Variants in POM121L2 observed in about 807,000 individuals in gnomAD.
POM121L2 encodes the protein POM121 transmembrane nucleoporin like 2.
For synonymous variants in POM121L2, 459 were observed against 483.8 expected, an observed-to-expected ratio of 0.95 and a Z score of 0.67; for missense variants, 1,167 against 1,260.3, an observed-to-expected ratio of 0.93 and a Z score of 1.12.
Position 27,310,845 on chromosome 6 carries a change from G to T in POM121L2, c.1326C>A (p.Thr442=). The T allele has an allele frequency of 1.3e-6, 2 of 1,551,730 alleles. No homozygotes were observed. The highest frequency in any genetic ancestry group is 1.7e-6 in the Non-Finnish European group (2 of 1,146,984). ...GCTCTGACTGTGAGCACCCAGGTGGGGTCGGTAGGCTGGGTGTCTTCAAAG... is the reference window on the plus strand; with the variant it reads ...GCTCTGACTGTGAGCACCCAGGTGGTGTCGGTAGGCTGGGTGTCTTCAAAG... ...HSPLKTPSLP[T]PPGCSQSELL... Residue 442 remains threonine (T), a synonymous_variant, in exon 1 of 1, where the codon ACC becomes ACA. Coordinates refer to ENST00000444565, the MANE Select transcript of POM121L2 (RefSeq NM_033482.4).
Position 27,310,780 on chromosome 6 carries a change from G to A in POM121L2, c.1391C>T (p.Thr464Ile). ...GTSPDSKPTA[T>I]FILLTPTSPT... ...AGAGGTGGGGGTCAGCAGGATGAAA[G>A]TAGCTGTGGGCTTTGAGTCTGGAGA... Residue 464 changes from threonine (T) to isoleucine (I), a missense_variant, in exon 1 of 1, where the codon ACT becomes ATT. Physicochemically the swap from Thr to Ile is moderately conservative, Grantham distance 89. Transcript: ENST00000444565. 6.4e-7 allele frequency: 1 copy of A among 1,551,864 alleles called. No homozygotes were observed. The highest frequency in any genetic ancestry group is 8.7e-7 in the Non-Finnish European group (1 of 1,147,020).
Position 27,309,656 on chromosome 6 carries a change from G to A in POM121L2, c.216+1441C>T, listed in dbSNP as rs760789295. 4 of 1,551,596 alleles carry A rather than the reference G, an allele frequency of 2.6e-6. No individual in the cohort carries two copies. The East Asian group carries it at 7.3e-5, about 28-fold the overall frequency. On this transcript the variant is annotated intron_variant, in intron 1 of 1. Transcript: ENST00000429945. ...CCTGACCAGGTGCTGGCAGGGGTTTGAGAGGTGGAGGCTGAGGGTGTCAAA... is the reference window on the plus strand; with the variant it reads ...CCTGACCAGGTGCTGGCAGGGGTTTAAGAGGTGGAGGCTGAGGGTGTCAAA...
In POM121L2 at chr6:27,312,212, T is replaced by G; in HGVS notation, c.-42A>C. On this transcript the variant is annotated 5_prime_UTR_variant, in exon 1 of 1. Coordinates refer to ENST00000444565, the MANE Select transcript of POM121L2 (RefSeq NM_033482.4). The surrounding 1 kb of genome is among the most constrained non-coding windows in gnomAD (Gnocchi z 6.7). ...CGGGCAGTGAGTTCAAGCACGGTTT[T>G]GGCTTCCGAGGTTTCGGACGTCTGC... The G allele has an allele frequency of 7.7e-7, 1 of 1,293,256 alleles. No homozygotes were observed. The highest frequency in any genetic ancestry group is 1.0e-6 in the Non-Finnish European group (1 of 971,390). 80.1% of individuals were successfully genotyped at this position (1,293,256 alleles called of 1,614,324 possible).
At position 27,311,905 on chromosome 6, in the gene POM121L2, A is replaced by G. The variant is rs1392736419; in HGVS notation, c.266T>C (p.Leu89Pro). 6 of 1,551,566 alleles carry G rather than the reference A, an allele frequency of 3.9e-6. No homozygotes were observed. The East Asian group carries it at 9.8e-5, about 25-fold the overall frequency. The change falls in exon 1 of 1, where the codon CTG becomes CCG. Residue 89 changes from leucine to proline, a missense_variant. Coordinates refer to ENST00000444565, the MANE Select transcript of POM121L2 (RefSeq NM_033482.4). The stretch of plus-strand genomic sequence containing the variant: ...CCACCAGTCTGAAGGGAGAGGCCCC[A>G]GGGGGGAATTCTGGGACTTCTTCAT... ...FPMKKSQNSPLGPLPSDWWES... is the reference protein window; with the variant it reads ...FPMKKSQNSPPGPLPSDWWES...
chr6:27,309,472 C>A lies in POM121L2; in HGVS notation c.2699G>T (p.Cys900Phe). 1 of 1,551,814 alleles carries A rather than the reference C, an allele frequency of 6.4e-7. No individual in the cohort carries two copies. The highest frequency in any genetic ancestry group is 8.7e-7 in the Non-Finnish European group (1 of 1,146,998). The change falls in exon 1 of 1, where the codon TGT becomes TTT. Residue 900 changes from cysteine (C) to phenylalanine (F), a missense_variant. Cys to Phe is a radical substitution (Grantham distance 205, BLOSUM62 -2). Transcript: ENST00000444565. ...AGTCATTATGATCCCAGACTCATCACAGTCCATAGGGGTCACGAATCCCCC... is the reference window on the plus strand; with the variant it reads ...AGTCATTATGATCCCAGACTCATCAAAGTCCATAGGGGTCACGAATCCCCC... ...TFGGFVTPMDCDESGIIMTGP... is the reference protein window; with the variant it reads ...TFGGFVTPMDFDESGIIMTGP...
chr6:27,312,271 GT>G lies in POM121L2; in HGVS notation c.-102del, dbSNP rs143127910. ...ACAGAGTCGAAGAGCGCAGTGTTCG[GT>G]TGACGGTTGGGATTCACGCGCTAGG... On this transcript the variant is annotated 5_prime_UTR_variant, in exon 1 of 1. Transcript: ENST00000444565. The surrounding 1 kb of genome is among the most constrained non-coding windows in gnomAD (Gnocchi z 6.7). 4,430 of 751,936 alleles carry G rather than the reference GT, an allele frequency of 5.9e-3. 34 individuals carry two copies. Among genetic ancestry groups the G allele is most frequent in the Non-Finnish European group, 6.0e-3 (2,998 of 497,054 alleles). The allele number at this position is 751,936 out of a possible 1,614,324, so 46.6% of individuals were successfully genotyped here. A position where few individuals can be genotyped will look rare whatever the true frequency, so the allele number is the denominator to read the frequency against.
rs770253642 is a variant in POM121L2 at position 27,311,299 on chromosome 6, CT to C, written c.13del (p.Ser5ValfsTer18). The C allele has an allele frequency of 1.2e-4, 186 of 1,551,534 alleles. No homozygotes were observed. Among genetic ancestry groups the C allele is most frequent in the Non-Finnish European group, 1.5e-4 (177 of 1,147,016 alleles). Reference sequence around the variant, plus strand: ...GACTGGAGAGGAAGGCCGATGACAACTTTTTTCCTTTTTTATTGGCCACTCT... The same window carrying C: ...GACTGGAGAGGAAGGCCGATGACAACTTTTTCCTTTTTTATTGGCCACTCT... On this transcript the variant is annotated frameshift_variant, in exon 1 of 2. Coordinates refer to the POM121L2 transcript ENST00000429945. LOFTEE classifies it high-confidence loss of function.
rs1170101865 is a variant in POM121L2, at chr6:27,311,532, C to T, written c.639G>A (p.Gly213=). 10 of 1,551,746 alleles carry T rather than the reference C, an allele frequency of 6.4e-6. No homozygotes were observed. In the East Asian group the frequency reaches 2.4e-4, roughly 38 times the overall value. Residue 213 remains glycine (G), a synonymous_variant, in exon 1 of 1, where the codon GGG becomes GGA. Coordinates refer to ENST00000444565, the MANE Select transcript of POM121L2 (RefSeq NM_033482.4). ...AGGAGTGGAGACTTCTCTTCAGCGG[C>T]CCAGGCCTGGGCACAAAAGAAGTGA... The part of the protein sequence containing the change: ...GTLTSFVPRP[G]PLKRSLHSWG...
chr6:27,310,003 C>T lies in POM121L2; in HGVS notation c.2168G>A (p.Gly723Asp), dbSNP rs764559413. ...SPRSSTANFR[G>D]MGSPLPASAL... ...AGAGGCAGGCAGAGGGCTGCCCATACCCCTGAAATTAGCAGTGCTGCTTCT... is the reference window on the plus strand; with the variant it reads ...AGAGGCAGGCAGAGGGCTGCCCATATCCCTGAAATTAGCAGTGCTGCTTCT... The change falls in exon 1 of 1, where the codon GGT becomes GAT. Residue 723 changes from glycine to aspartate, a missense_variant. Physicochemically the swap from Gly to Asp is moderately conservative, Grantham distance 94 (BLOSUM62 -1). Coordinates refer to ENST00000444565, the MANE Select transcript of POM121L2 (RefSeq NM_033482.4). 3 of 1,551,906 alleles carry T rather than the reference C, an allele frequency of 1.9e-6. No individual in the cohort carries two copies. The highest frequency in any genetic ancestry group is 4.9e-5 in the East Asian group (2 of 40,928).
Position 27,311,333 on chromosome 6 carries a change from C to T in POM121L2, c.838G>A (p.Glu280Lys), listed in dbSNP as rs371690743. Residue 280 changes from glutamate (E) to lysine (K), a missense_variant, in exon 1 of 1, where the codon GAG becomes AAG. Glu to Lys is a moderately conservative substitution (Grantham distance 56). Coordinates refer to ENST00000444565, the MANE Select transcript of POM121L2 (RefSeq NM_033482.4). Reference protein sequence around the residue: ...WKRSVPSVSFETPEWPIKKEK... With the variant: ...WKRSVPSVSFKTPEWPIKKEK... ...TTTTTTATTGGCCACTCTGGTGTCT[C>T]GAATGATACACTGGGAACACTTCTC... 21 of 1,551,480 alleles carry T rather than the reference C, an allele frequency of 1.4e-5. No individual in the cohort carries two copies. Among genetic ancestry groups the T allele is most frequent in the South Asian group, 1.2e-4 (10 of 84,062 alleles).
chr6:27,311,146 T>A lies in POM121L2; in HGVS notation c.1025A>T (p.Tyr342Phe). The change falls in exon 1 of 1, where the codon TAT becomes TTT. Residue 342 changes from tyrosine (Y) to phenylalanine (F), a missense_variant. Tyr to Phe is a conservative substitution (Grantham distance 22). Transcript: ENST00000444565. Reference protein sequence around the residue: ...VSEIPPPQLGYAVSDENLTLG... With the variant: ...VSEIPPPQLGFAVSDENLTLG... ...AGTCAAGTTCTCATCAGAGACTGCA[T>A]AACCAAGCTGGGGAGGTGGGATCTC... 6.4e-7 allele frequency: 1 copy of A among 1,551,948 alleles called. No homozygotes were observed. The highest frequency in any genetic ancestry group is 1.4e-5 in the African/African-American group (1 of 73,158).
Position 27,312,030 on chromosome 6 carries a change from G to A in POM121L2, c.141C>T (p.Ala47=), listed in dbSNP as rs749626981. ...QVHRVQFVHR[A]HPAPRYRPVR... is the part of the protein sequence containing the mutation. ...CAGGTCTATACCGTGGGGCAGGGTG[G>A]GCGCGGTGGACGAACTGAACCCGAT... Residue 47 remains alanine (A), a synonymous_variant, in exon 1 of 1, where the codon GCC becomes GCT. Transcript: ENST00000444565. This position sits in a 1 kb window ranked among gnomAD's most constrained non-coding sequence, Gnocchi z 6.7. The A allele has an allele frequency of 3.9e-6, 6 of 1,533,500 alleles. No individual in the cohort carries two copies. In the South Asian group the frequency reaches 7.3e-5, roughly 19 times the overall value. 95.0% of individuals were successfully genotyped at this position (1,533,500 alleles called of 1,614,324 possible).
Position 27,309,028 on chromosome 6 carries a change from G to T in POM121L2, c.*35C>A. 2 of 1,471,714 alleles carry T rather than the reference G, an allele frequency of 1.4e-6. No individual in the cohort carries two copies. The highest frequency in any genetic ancestry group is 2.8e-5 in the African/African-American group (2 of 70,684). 91.2% of individuals were successfully genotyped at this position (1,471,714 alleles called of 1,614,324 possible). A position where few individuals can be genotyped will look rare whatever the true frequency, so the allele number is the denominator to read the frequency against. On this transcript the variant is annotated 3_prime_UTR_variant, in exon 1 of 1. Coordinates refer to ENST00000444565, the MANE Select transcript of POM121L2 (RefSeq NM_033482.4). ...GAGGTTTTTCAAAAACAATACTGAG[G>T]TCTAAATCAGGGTGCAAGTGACAGG...
At position 27,309,148 on chromosome 6, in the gene POM121L2, G is replaced by A; in HGVS notation, c.3023C>T (p.Ser1008Phe). 6.4e-7 allele frequency: 1 copy of A among 1,551,786 alleles called. No individual in the cohort carries two copies. The highest frequency in any genetic ancestry group is 8.7e-7 in the Non-Finnish European group (1 of 1,147,008). ...VGRGPFRSSA[S>F]SFSIGAKSKT... The stretch of plus-strand genomic sequence containing the variant: ...TGATTTTGCGCCAATGGAAAATGAA[G>A]AGGCTGATGATCTAAAAGGTCCTCT... The change falls in exon 1 of 1, where the codon TCT (serine) becomes TTT (phenylalanine). Residue 1008 changes from serine (S) to phenylalanine (F), a missense_variant. Ser to Phe is a radical substitution (Grantham distance 155). Transcript: ENST00000444565.
chr6:27,309,339 T>G lies in POM121L2; in HGVS notation c.2832A>C (p.Glu944Asp). 1.9e-6 allele frequency: 3 copies of G among 1,551,498 alleles called. No homozygotes were observed. Residue 944 changes from glutamate to aspartate, a missense_variant, in exon 1 of 1, where the codon GAA becomes GAC. Glu to Asp is a conservative substitution (Grantham distance 45, BLOSUM62 2). Transcript: ENST00000444565. ...PFGKGWSQNTEGLPSHRTAFS... is the reference protein window; with the variant it reads ...PFGKGWSQNTDGLPSHRTAFS... The stretch of plus-strand genomic sequence containing the variant: ...AAGCTGTGCGGTGGCTGGGCAGGCC[T>G]TCAGTGTTCTGGCTCCAGCCTTTTC...
chr6:27,309,919 G>A lies in POM121L2; in HGVS notation c.2252C>T (p.Ala751Val). The part of the protein sequence containing the change: ...STPSISNLTP[A>V]ITSPLGSSSR... ...GCTTGATCCCAAGGGACTTGTGATT[G>A]CTGGAGTCAGGTTGGAGATGCTGGG... Residue 751 changes from alanine (A) to valine (V), a missense_variant, in exon 1 of 1, where the codon GCA becomes GTA. By Grantham distance (64) the Ala-to-Val change is moderately conservative. Transcript: ENST00000444565. 6.4e-7 allele frequency: 1 copy of A among 1,551,756 alleles called. No homozygotes were observed. Among genetic ancestry groups the A allele is most frequent in the Non-Finnish European group, 8.7e-7 (1 of 1,147,006 alleles).
Position 27,309,144 on chromosome 6 carries a change from T to G in POM121L2, c.3027A>C (p.Ser1009=). The G allele has an allele frequency of 6.4e-7, 1 of 1,551,728 alleles. No individual in the cohort carries two copies. The highest frequency in any genetic ancestry group is 8.7e-7 in the Non-Finnish European group (1 of 1,146,998). ...GRGPFRSSAS[S]FSIGAKSKTP... is the part of the protein sequence containing the mutation. ...TTTTTGATTTTGCGCCAATGGAAAA[T>G]GAAGAGGCTGATGATCTAAAAGGTC... Residue 1009 remains serine, a synonymous_variant, in exon 1 of 1, where the codon TCA becomes TCC. Transcript: ENST00000444565.
rs770330342 is a variant in POM121L2, at chr6:27,311,996, G to T, written c.175C>A (p.Arg59=). The change falls in exon 1 of 1, where the codon CGG becomes AGG. Residue 59 remains arginine (R), a synonymous_variant. Coordinates refer to ENST00000444565, the MANE Select transcript of POM121L2 (RefSeq NM_033482.4). The part of the protein sequence containing the change: ...PAPRYRPVRR[R]PNLDPANPTT... ...GGATTGGCAGGATCCAGGTTTGGCCGCCTCCTCACAGGTCTATACCGTGGG... is the reference window on the plus strand; with the variant it reads ...GGATTGGCAGGATCCAGGTTTGGCCTCCTCCTCACAGGTCTATACCGTGGG... The T allele has an allele frequency of 4.5e-6, 7 of 1,548,804 alleles. No homozygotes were observed. In the South Asian group the frequency reaches 8.4e-5, roughly 19 times the overall value.
At position 27,309,742 on chromosome 6, in the gene POM121L2, G is replaced by T. The variant is rs41269259; in HGVS notation, c.2429C>A (p.Thr810Asn). 0.021 allele frequency: 32,124 copies of T among 1,551,712 alleles called. 402 individuals carry two copies. The highest frequency in any genetic ancestry group is 0.024 in the Non-Finnish European group (27,988 of 1,147,002). ...LFGSSAVALP[T>N]PMPTPAQPAF... ...TGGCTGAGCTGGAGTTGGCATGGGG[G>T]TTGGCAATGCCACTGCTGAGCTCCC... Residue 810 changes from threonine to asparagine, a missense_variant, in exon 1 of 1, where the codon ACC (threonine) becomes AAC (asparagine). By Grantham distance (65) the Thr-to-Asn change is moderately conservative. Coordinates refer to ENST00000444565, the MANE Select transcript of POM121L2 (RefSeq NM_033482.4).
Sources: gnomAD v4.1 joint callset for allele counts on GRCh38, gnomAD v4.1.1 for gene constraint, Gnocchi (gnomAD v3.1) non-coding constraint, MANE v1.5 for transcripts, NCBI Gene and HGNC (gene_info 2026-07-23, HGNC 2026-07-21) for gene names.